Variants in CEP350 observed in about 807,000 individuals in gnomAD.
The protein encoded by CEP350 is centrosome-associated protein 350.
A neutral mutation model predicts 331.8 loss-of-function variants in CEP350; 126 were observed. The ratio of observed to expected loss-of-function variants is 0.38; its 90% CI spans 0.33 to 0.44. The LOEUF (loss-of-function observed/expected upper bound fraction) is 0.44, where lower values mean the gene tolerates loss of function less well. CEP350 is among the 20% of genes least tolerant of loss of function. The pLI is 1.00. For missense variants in CEP350, 3,406 were observed against 3,634.6 expected, an observed-to-expected ratio of 0.94 and a Z score of 1.62; for synonymous variants, 1,200 against 1,259.5, an observed-to-expected ratio of 0.95 and a Z score of 1.00.
intron 27 of CEP350, among the ~76,000 whole-genome samples, chr1:180,071,808 C>A (rs754552201): frequency 6.6e-6 from 1 of 151,958 alleles, no homozygotes; most frequent in Non-Finnish European, 1.5e-5. Context: ...ATTAAGTACT[C>A]ATTAATTCCT....
rs1279468662 is a variant in CEP350, at chr1:180,043,052, T to G, written c.4363-4T>G. ...TTGCCTTTCTTGTGTGTGTTCATGT[T>G]TAGATGGCAGAGTTGACTAGAACTC... On this transcript the variant is annotated splice_polypyrimidine_tract_variant and splice_region_variant and intron_variant, in intron 19 of 37. Coordinates refer to ENST00000367607, the MANE Select transcript of CEP350 (RefSeq NM_014810.5). 1 of 1,611,114 alleles carries G rather than the reference T, an allele frequency of 6.2e-7. No individual in the cohort carries two copies. Among genetic ancestry groups the G allele is most frequent in the East Asian group, 2.2e-5 (1 of 44,800 alleles).
intron 1 of CEP350, among the ~76,000 whole-genome samples, chr1:179,962,301 A>T (rs888354346): frequency 2.6e-5 from 4 of 152,174 alleles, no homozygotes; most frequent in African/African-American, 9.7e-5. Flanking sequence ...AGCTGCATCC[A>T]TGTTGCTCCA....
At chr1:179,997,545 A>C (rs1376134562) in intron 6 of CEP350, among the ~76,000 whole-genome samples, 2 of 146,642 alleles carry the variant, frequency 1.4e-5, no homozygotes, top group Admixed American at 6.9e-5. Flanking sequence ...CTCGGTCTCA[A>C]AAAAAAAAAA....
chr1:180,046,930 C>T (rs1657158130), intron 21 of CEP350, among the ~76,000 whole-genome samples: 2 of 152,226 alleles, frequency 1.3e-5, no homozygotes, highest in Admixed American at 1.3e-4. Flanking sequence ...CTGTGTGCTG[C>T]ATTACATCTT....
chr1:179,997,962 A>G (rs1183343919), intron 6 of CEP350, among the ~76,000 whole-genome samples: 2 of 151,530 alleles, frequency 1.3e-5, no homozygotes, highest in Admixed American at 6.6e-5. Context: ...TTTAAATCAC[A>G]TTTATGCCAA....
intron 6 of CEP350, 141 bp downstream of exon 6, chr1:179,997,316 C>T: frequency 1.5e-5 from 14 of 918,718 alleles, no homozygotes; most frequent in Non-Finnish European, 2.0e-5. Context: ...CCGAGGTGGG[C>T]GGATCATGAG....
chr1:179,959,744 ACT>A (rs1196249069), intron 1 of CEP350, among the ~76,000 whole-genome samples: 9 of 152,156 alleles, frequency 5.9e-5, no homozygotes, highest in Non-Finnish European at 1.2e-4. Flanking sequence ...ACAGAGGAAG[ACT>A]CTGGCTCAAA....
rs1316396134 is a variant in CEP350 at position 180,095,790 on chromosome 1, G to A, written c.8779G>A (p.Val2927Ile). The A allele has an allele frequency of 6.2e-7, 1 of 1,613,980 alleles. No individual in the cohort carries two copies. The highest frequency in any genetic ancestry group is 1.1e-5 in the South Asian group (1 of 91,078). The change falls in exon 35 of 38, where the codon GTA (valine) becomes ATA (isoleucine). Residue 2927 changes from valine to isoleucine, a missense_variant. Transcript: ENST00000367607. ...TACTGCAGAAGAAGTAGAGATTCTT[G>A]TACATAATGCAGCAGAAGAACTTTG... ...PHTAEEVEIL[V>I]HNAAEELWKW...
chr1:180,009,258 C>T (rs1249290484), intron 8 of CEP350, among the ~76,000 whole-genome samples: 1 of 152,242 alleles, frequency 6.6e-6, no homozygotes, highest in East Asian at 1.9e-4. Flanking sequence ...GATCCGCCTG[C>T]CTTAGCCTCC....
chr1:180,072,057 C>T (rs897914422), intron 27 of CEP350, among the ~76,000 whole-genome samples: 24 of 152,232 alleles, frequency 1.6e-4, no homozygotes, highest in African/African-American at 4.6e-4. Context: ...GCTCTTTCAT[C>T]TCAACTTTAT....
intron 27 of CEP350, chr1:180,073,854 G>C (rs1659049063): frequency 7.7e-7 from 1 of 1,304,672 alleles, no homozygotes; most frequent in Non-Finnish European, 1.0e-6. Flanking sequence ...CTCAGTGTCT[G>C]TTTTCCCAAC....
intron 8 of CEP350, among the ~76,000 whole-genome samples, chr1:180,009,622 C>T (rs1252304356): frequency 6.6e-6 from 1 of 152,024 alleles, no homozygotes; most frequent in Admixed American, 6.6e-5. Flanking sequence ...TATTCAGATG[C>T]CAACATGTAT....
At chr1:179,973,058 G>T (rs954986929) in intron 1 of CEP350, among the ~76,000 whole-genome samples, 1 of 151,902 alleles carries the variant, frequency 6.6e-6, no homozygotes, top group African/African-American at 2.4e-5. Context: ...TAGTAGAGAC[G>T]GGGTTTCACC....
chr1:180,107,679 A>G (rs1035470962), intron 37 of CEP350, among the ~76,000 whole-genome samples: 1 of 152,196 alleles, frequency 6.6e-6, no homozygotes, highest in African/African-American at 2.4e-5. Flanking sequence ...AAACAAGTGT[A>G]AATCCACCTA....
At chr1:180,105,130 C>G (rs1661071660) in intron 37 of CEP350, among the ~76,000 whole-genome samples, 1 of 151,852 alleles carries the variant, frequency 6.6e-6, no homozygotes, top group Non-Finnish European at 1.5e-5. Flanking sequence ...GATTAATAAA[C>G]CCAGTGGTAA....
chr1:179,957,794 T>C (rs73039985), intron 1 of CEP350, among the ~76,000 whole-genome samples: 2,566 of 152,274 alleles, frequency 0.017, 72 homozygotes, highest in African/African-American at 0.058. Flanking sequence ...TTTTAATGAT[T>C]TGCCTAGGTG....
Position 180,020,654 on chromosome 1 carries a change from C to T in CEP350, c.2880C>T (p.Ser960=). 1 of 1,614,020 alleles carries T rather than the reference C, an allele frequency of 6.2e-7. No homozygotes were observed. The highest frequency in any genetic ancestry group is 8.5e-7 in the Non-Finnish European group (1 of 1,179,896). The change falls in exon 12 of 38, where the codon AGC becomes AGT. Residue 960 remains serine (S), a synonymous_variant. Coordinates refer to ENST00000367607, the MANE Select transcript of CEP350 (RefSeq NM_014810.5). ...QLCKRQTDSS[S]SDMQACSQDK... is the part of the protein sequence containing the mutation. ...GTAAAAGGCAGACTGACTCTTCTAGCTCTGATATGCAAGCCTGTTCTCAAG... is the reference window on the plus strand; with the variant it reads ...GTAAAAGGCAGACTGACTCTTCTAGTTCTGATATGCAAGCCTGTTCTCAAG...
At position 180,041,658 on chromosome 1, in the gene CEP350, A is replaced by G. The variant is rs1251056248; in HGVS notation, c.4222-4A>G. ...CTTCTTTTTTAAACCCCTTTTATTTAAAGGTCCATGCAGAATCATTACAGC... is the reference window on the plus strand; with the variant it reads ...CTTCTTTTTTAAACCCCTTTTATTTGAAGGTCCATGCAGAATCATTACAGC... On this transcript the variant is annotated splice_region_variant and splice_polypyrimidine_tract_variant and intron_variant, in intron 18 of 37. Coordinates refer to ENST00000367607, the MANE Select transcript of CEP350 (RefSeq NM_014810.5). 2.5e-6 allele frequency: 4 copies of G among 1,606,920 alleles called. No individual in the cohort carries two copies. The highest frequency in any genetic ancestry group is 3.4e-6 in the Non-Finnish European group (4 of 1,176,882).
chr1:179,967,915 T>A (rs1043151037), intron 1 of CEP350, among the ~76,000 whole-genome samples: 3 of 152,214 alleles, frequency 2.0e-5, no homozygotes, highest in African/African-American at 7.2e-5. Flanking sequence ...TGGCTTCATA[T>A]GTGTATTTGT....
Sources: allele counts gnomAD v4.1 joint callset (sites outside exome capture counted in the v4.1 genomes callset), GRCh38; gene constraint gnomAD v4.1.1; transcripts MANE v1.5; gene names NCBI Gene and HGNC (gene_info 2026-07-23, HGNC 2026-07-21).